The following BRINP3 variants were observed in gnomAD, a reference collection of about 807,000 sequenced individuals.
BRINP3 encodes the protein BMP/retinoic acid-inducible neural-specific protein 3.
In BRINP3, 19 loss-of-function variants were observed where a neutral mutation model predicts 71.0. The observed-to-expected ratio is 0.27, with a 90% CI of 0.19 to 0.39. The LOEUF is 0.39. Ranked by LOEUF, BRINP3 falls within the 10% of genes least tolerant of loss-of-function variation. The pLI, the probability that BRINP3 is intolerant of heterozygous loss-of-function variation, is 1.00. For missense variants in BRINP3, 959 were observed against 940.8 expected (o/e 1.02, Z -0.25); for synonymous variants, 380 against 337.7 (o/e 1.13, Z -1.37).
chr1:190,443,515 C>T (rs1043316278), intron 2 of BRINP3, among the ~76,000 whole-genome samples: 2 of 152,134 alleles, frequency 1.3e-5, no homozygotes, highest in African/African-American at 4.8e-5. Context: ...TAAAGTATCT[C>T]TGCTACTGGC....
chr1:190,316,629 G>A (rs1465037554), intron 2 of BRINP3, among the ~76,000 whole-genome samples: 1 of 151,994 alleles, frequency 6.6e-6, no homozygotes, highest in African/African-American at 2.4e-5. Flanking sequence ...CACACATTCT[G>A]ACAGCCTCAG....
chr1:190,170,636 AG>A (rs2102494878), intron 6 of BRINP3, among the ~76,000 whole-genome samples: 1 of 152,308 alleles, frequency 6.6e-6, no homozygotes, highest in African/African-American at 2.4e-5. Context: ...AAGAGAAGTC[AG>A]GTTGAAAGCA....
At chr1:190,306,425 T>C (rs934975854) in intron 2 of BRINP3, among the ~76,000 whole-genome samples, 9 of 151,736 alleles carry the variant, frequency 5.9e-5, no homozygotes, top group African/African-American at 9.7e-5. Context: ...AAGACAGAAA[T>C]GAAAGGAGTT....
intron 2 of BRINP3, among the ~76,000 whole-genome samples, chr1:190,452,216 A>G (rs1377737237): frequency 6.6e-6 from 1 of 152,224 alleles, no homozygotes; most frequent in Non-Finnish European, 1.5e-5. Flanking sequence ...AACTTGCTTT[A>G]CTAAAACTAA....
chr1:190,430,933 G>A (rs969624744), intron 2 of BRINP3, among the ~76,000 whole-genome samples: 2 of 151,662 alleles, frequency 1.3e-5, no homozygotes, highest in South Asian at 2.1e-4. Context: ...TGTTTATCCT[G>A]TTCAAATGAT....
chr1:190,144,826 C>T lies in BRINP3; in HGVS notation c.1184+15842G>A, dbSNP rs140987407. Among the ~76,000 whole-genome samples, 398 of 152,232 alleles carry T rather than the reference C, an allele frequency of 2.6e-3. 1 individual carries two copies. Among genetic ancestry groups the T allele is most frequent in the Non-Finnish European group, 3.9e-3 (265 of 68,004 alleles). On this transcript the variant is annotated intron_variant, in intron 7 of 7. Coordinates refer to ENST00000367462, the MANE Select transcript of BRINP3 (RefSeq NM_199051.3). ...TCCATGGGAAGCCACAGGGGCTCCT[C>T]ATGATTCCTGGAGCACTCCAAGCCC...
chr1:190,412,895 A>G (rs1672784924), intron 2 of BRINP3, among the ~76,000 whole-genome samples: 1 of 152,166 alleles, frequency 6.6e-6, no homozygotes, highest in African/African-American at 2.4e-5. Flanking sequence ...AGTAATTTAC[A>G]AAAAGAAAGA....
Position 190,130,548 on chromosome 1 carries a change from T to A in BRINP3, c.1184+30120A>T, listed in dbSNP as rs148407766. On this transcript the variant is annotated intron_variant, in intron 7 of 7. Transcript: ENST00000367462. Reference sequence around the variant, plus strand: ...CTCCTGTCCACCACACTTCCCCTTATCCTAATGTTTGCTGAGCACTTTTCA... The same window carrying A: ...CTCCTGTCCACCACACTTCCCCTTAACCTAATGTTTGCTGAGCACTTTTCA... Among the ~76,000 whole-genome samples the A allele has an allele frequency of 1.0e-3, 158 of 152,110 alleles. 1 individual carries two copies. The highest frequency in any genetic ancestry group is 3.6e-3 in the African/African-American group (149 of 41,526).
chr1:190,400,097 A>T (rs1052420293), intron 2 of BRINP3, among the ~76,000 whole-genome samples: 2 of 152,124 alleles, frequency 1.3e-5, no homozygotes, highest in Admixed American at 1.3e-4. Flanking sequence ...CTAAATGAAG[A>T]TATCTCAAAA....
At chr1:190,452,856 C>CA (rs927983524) in intron 2 of BRINP3, among the ~76,000 whole-genome samples, 10 of 151,938 alleles carry the variant, frequency 6.6e-5, no homozygotes, top group Admixed American at 2.0e-4. Context: ...GACTCCGTCC[C>CA]AAAAAAACAT....
intron 2 of BRINP3, among the ~76,000 whole-genome samples, chr1:190,408,047 A>G (rs1312323647): frequency 3.5e-4 from 34 of 96,170 alleles, no homozygotes; most frequent in East Asian, 1.4e-3. Flanking sequence ...TTTGAGATGG[A>G]GTCTCGCTCT....
At chr1:190,160,533 ATT>A (rs111363441) in intron 7 of BRINP3, 133 bp downstream of exon 7, 56,194 of 650,646 alleles carry the variant, frequency 0.086, 2,705 homozygotes, top group Non-Finnish European at 0.087. Flanking sequence ...GAGACAATAT[ATT>A]GTTTTCAAAT....
chr1:190,240,156 T>A (rs1407164602), intron 4 of BRINP3, among the ~76,000 whole-genome samples: 1 of 151,906 alleles, frequency 6.6e-6, no homozygotes, highest in Non-Finnish European at 1.5e-5. Flanking sequence ...TTCCAAACCA[T>A]ATATTTACCT....
intron 7 of BRINP3, among the ~76,000 whole-genome samples, chr1:190,141,962 AT>A (rs1398948344): frequency 4.6e-5 from 7 of 152,176 alleles, no homozygotes; most frequent in Non-Finnish European, 7.3e-5. Context: ...ATTATGAAAA[AT>A]ATGAATAAAA....
At chr1:190,461,216 T>C (rs1676376436) in intron 1 of BRINP3, among the ~76,000 whole-genome samples, 1 of 152,218 alleles carries the variant, frequency 6.6e-6, no homozygotes. Context: ...AGGAGAGTTA[T>C]TAACCAAACA....
At chr1:190,441,744 T>C (rs1252751680) in intron 2 of BRINP3, among the ~76,000 whole-genome samples, 3 of 152,096 alleles carry the variant, frequency 2.0e-5, no homozygotes, top group Non-Finnish European at 2.9e-5. Flanking sequence ...ACACATGCAA[T>C]GCTCTCAAGA....
At position 190,372,700 on chromosome 1, in the gene BRINP3, G is replaced by A. The variant is rs564580384; in HGVS notation, c.236+81955C>T. Among the ~76,000 whole-genome samples, 7 of 152,140 alleles carry A rather than the reference G, an allele frequency of 4.6e-5. No individual in the cohort carries two copies. The East Asian group carries it at 7.7e-4, about 17-fold the overall frequency. On this transcript the variant is annotated intron_variant, in intron 2 of 7. Coordinates refer to ENST00000367462, the MANE Select transcript of BRINP3 (RefSeq NM_199051.3). ...GTCATAATTCCCCTCTCTTCTAATCGTTTCTAAGGCAATTTCAGTTCAGTT... is the reference window on the plus strand; with the variant it reads ...GTCATAATTCCCCTCTCTTCTAATCATTTCTAAGGCAATTTCAGTTCAGTT...
intron 6 of BRINP3, among the ~76,000 whole-genome samples, chr1:190,217,826 C>A (rs1656540209): frequency 6.6e-6 from 1 of 151,958 alleles, no homozygotes; most frequent in African/African-American, 2.4e-5. Context: ...GATGAACAGT[C>A]CAAATGTGAG....
intron 2 of BRINP3, among the ~76,000 whole-genome samples, chr1:190,443,114 T>C (rs1488007030): frequency 1.3e-5 from 2 of 151,724 alleles, no homozygotes; most frequent in Non-Finnish European, 2.9e-5. Context: ...GGTTTCACTA[T>C]ATAGGCCAGA....
Sources: gnomAD v4.1 joint callset for allele counts (sites outside exome capture counted in the v4.1 genomes callset) on GRCh38, gnomAD v4.1.1 for gene constraint, MANE v1.5 for transcripts, NCBI Gene and HGNC (gene_info 2026-07-23, HGNC 2026-07-21) for gene names.